The following ROR1 variants were observed in gnomAD, a reference collection of about 807,000 sequenced individuals.
ROR1 encodes the protein inactive tyrosine-protein kinase transmembrane receptor ROR1.
A neutral mutation model predicts 78.8 loss-of-function variants in ROR1; 19 were observed. The ratio of observed to expected loss-of-function variants is 0.24; its 90% CI spans 0.17 to 0.35. The LOEUF (loss-of-function observed/expected upper bound fraction) is 0.35. ROR1 is among the 10% of genes least tolerant of loss of function. ROR1 has a pLI of 1.00. For synonymous variants in ROR1, 386 were observed against 433.6 expected (o/e 0.89, Z 1.36); for missense variants, 917 against 1,177.8 (o/e 0.78, Z 3.24).
chr1:64,089,915 A>G (rs1423626448), intron 4 of ROR1, among the ~76,000 whole-genome samples: 1 of 152,076 alleles, frequency 6.6e-6, no homozygotes, highest in East Asian at 1.9e-4. Context: ...CGTCATAATG[A>G]ATAAGTCTCA....
At chr1:63,907,933 TC>T (rs1645541443) in intron 1 of ROR1, among the ~76,000 whole-genome samples, 1 of 152,186 alleles carries the variant, frequency 6.6e-6, no homozygotes, top group Non-Finnish European at 1.5e-5. Flanking sequence ...TATTTATGAA[TC>T]AAAAAATCCT....
intron 1 of ROR1, among the ~76,000 whole-genome samples, chr1:64,003,936 A>G (rs1336450709): frequency 6.6e-6 from 1 of 152,208 alleles, no homozygotes; most frequent in East Asian, 1.9e-4. Flanking sequence ...CCAAATGATC[A>G]CAAGTGGAGG....
intron 1 of ROR1, among the ~76,000 whole-genome samples, chr1:63,860,989 C>T (rs1365420074): frequency 6.6e-6 from 1 of 152,134 alleles, no homozygotes; most frequent in African/African-American, 2.4e-5. Flanking sequence ...ACATCCTTCC[C>T]TTCTCTTGAC....
At chr1:63,891,479 T>A (rs1006202867) in intron 1 of ROR1, among the ~76,000 whole-genome samples, 1 of 152,138 alleles carries the variant, frequency 6.6e-6, no homozygotes, top group African/African-American at 2.4e-5. Flanking sequence ...CCTAGGAATG[T>A]CATTTCAGGA....
chr1:64,094,867 GGCATGAGCC>G (rs1647257917), intron 4 of ROR1: 1 of 152,416 alleles, frequency 6.6e-6, no homozygotes, highest in African/African-American at 2.4e-5. Context: ...TGGGATTACA[GGCATGAGCC>G]GCTGTGCCCA....
chr1:63,941,182 G>A (rs1221483184), intron 1 of ROR1, among the ~76,000 whole-genome samples: 1 of 152,088 alleles, frequency 6.6e-6, no homozygotes, highest in African/African-American at 2.4e-5. Context: ...GTACATTATT[G>A]AAACAATTGA....
At chr1:64,155,786 T>C (rs540118871) in intron 7 of ROR1, among the ~76,000 whole-genome samples, 1 of 152,278 alleles carries the variant, frequency 6.6e-6, no homozygotes, top group South Asian at 2.1e-4. Flanking sequence ...ACCCTCAAAA[T>C]GATTTCACTG....
At chr1:63,949,595 T>G (rs968604718) in intron 1 of ROR1, among the ~76,000 whole-genome samples, 1 of 152,204 alleles carries the variant, frequency 6.6e-6, no homozygotes, top group African/African-American at 2.4e-5. Context: ...ATTTTCTTTC[T>G]GCTTCACTCC....
chr1:63,804,388 G>A (rs1474715593), intron 1 of ROR1, among the ~76,000 whole-genome samples: 1 of 152,152 alleles, frequency 6.6e-6, no homozygotes, highest in Non-Finnish European at 1.5e-5. Flanking sequence ...TGTTACCAGA[G>A]GGCAAAACTG....
intron 4 of ROR1, among the ~76,000 whole-genome samples, chr1:64,121,562 A>G (rs1213542425): frequency 6.8e-6 from 1 of 146,090 alleles, no homozygotes; most frequent in African/African-American, 2.5e-5. Flanking sequence ...AGGGCTGGGC[A>G]GTGGGAATAT....
chr1:63,807,033 G>A (rs1644834125), intron 1 of ROR1, among the ~76,000 whole-genome samples: 1 of 152,126 alleles, frequency 6.6e-6, no homozygotes, highest in Non-Finnish European at 1.5e-5. Context: ...GGAGGTTTTA[G>A]ATCTCACGGT....
At chr1:64,059,955 C>A (rs1330967867) in intron 4 of ROR1, among the ~76,000 whole-genome samples, 2 of 150,786 alleles carry the variant, frequency 1.3e-5, no homozygotes, top group Non-Finnish European at 2.9e-5. Context: ...AAAATGAGAA[C>A]GGCAAATTAA....
intron 1 of ROR1, among the ~76,000 whole-genome samples, chr1:63,995,185 A>G (rs753927348): frequency 6.6e-6 from 1 of 152,346 alleles, no homozygotes; most frequent in East Asian, 1.9e-4. Flanking sequence ...ATGGCTAATG[A>G]AAAGGAGTTG....
chr1:63,776,694 A>G (rs569076333), intron 1 of ROR1, among the ~76,000 whole-genome samples: 1 of 152,192 alleles, frequency 6.6e-6, no homozygotes, highest in Non-Finnish European at 1.5e-5. Context: ...GTGCCGGGCT[A>G]CCTGCCTTTA....
At chr1:63,949,272 A>G (rs1421165622) in intron 1 of ROR1, among the ~76,000 whole-genome samples, 1 of 152,148 alleles carries the variant, frequency 6.6e-6, no homozygotes, top group African/African-American at 2.4e-5. Flanking sequence ...TTTCCTGATT[A>G]CCTATTGCTC....
At chr1:64,016,733 T>TTTTTTATATATATATATATATATATATA (rs1553151714) in intron 2 of ROR1, among the ~76,000 whole-genome samples, 2 of 140,582 alleles carry the variant, frequency 1.4e-5, no homozygotes, top group African/African-American at 5.2e-5. Context: ...TAAAATATAA[T>TTTTTTATATATATATATATATATATATA]TATATATATA....
intron 1 of ROR1, among the ~76,000 whole-genome samples, chr1:63,882,472 A>G (rs1424309095): frequency 6.6e-6 from 1 of 152,180 alleles, no homozygotes; most frequent in Non-Finnish European, 1.5e-5. Context: ...TTAATAGAAG[A>G]CACAATGTTT....
chr1:63,905,435 T>A (rs902719694), intron 1 of ROR1, among the ~76,000 whole-genome samples: 1 of 152,222 alleles, frequency 6.6e-6, no homozygotes, highest in South Asian at 2.1e-4. Context: ...ATTATGAGTT[T>A]TAATTTTCTT....
chr1:63,879,711 G>T (rs2100372219), intron 1 of ROR1, among the ~76,000 whole-genome samples: 1 of 152,210 alleles, frequency 6.6e-6, no homozygotes, highest in Non-Finnish European at 1.5e-5. Context: ...AAGCTTATTT[G>T]ACCTCAGAAA....
Sources: allele counts gnomAD v4.1 joint callset (sites outside exome capture counted in the v4.1 genomes callset), GRCh38; gene constraint gnomAD v4.1.1; transcripts MANE v1.5; gene names NCBI Gene and HGNC (gene_info 2026-07-23, HGNC 2026-07-21).